The following SNX29 variants were observed in gnomAD, a reference collection of about 807,000 sequenced individuals.
The protein encoded by SNX29 is sorting nexin-29.
Under a neutral mutation model 102.1 loss-of-function variants are expected in SNX29, and 78 were observed. The ratio of observed to expected loss-of-function variants is 0.76; its 90% CI spans 0.64 to 0.92. SNX29 has a LOEUF of 0.92. SNX29 is among the 40% of genes least tolerant of loss of function. SNX29 has a pLI of 0.00. For synonymous variants in SNX29, 580 were observed against 414.5 expected, an observed-to-expected ratio of 1.40 and a Z score of -4.85; for missense variants, 1,280 against 1,061.7, an observed-to-expected ratio of 1.21 and a Z score of -2.86.
At chr16:12,030,998 T>G (rs545997041) in intron 4 of SNX29, among the ~76,000 whole-genome samples, 1 of 152,316 alleles carries the variant, frequency 6.6e-6, no homozygotes, top group South Asian at 2.1e-4. Flanking sequence ...TGCCAGATCC[T>G]GTGTGGGGCA....
chr16:12,107,011 T>G (rs1246154360), intron 11 of SNX29, among the ~76,000 whole-genome samples: 2 of 152,068 alleles, frequency 1.3e-5, no homozygotes, highest in African/African-American at 2.4e-5. Context: ...AGAGATGAGG[T>G]CTCACTGTGT....
At chr16:12,563,357 T>A (rs1211885899) in intron 20 of SNX29, among the ~76,000 whole-genome samples, 2 of 152,070 alleles carry the variant, frequency 1.3e-5, no homozygotes, top group South Asian at 2.1e-4. Flanking sequence ...CCTGAGCCTG[T>A]CTTTTATCGC....
At chr16:12,229,049 A>G (rs1364975139) in intron 14 of SNX29, among the ~76,000 whole-genome samples, 1 of 152,180 alleles carries the variant, frequency 6.6e-6, no homozygotes, top group Non-Finnish European at 1.5e-5. Context: ...CAGACCTTGG[A>G]CTTGCCACCT....
At chr16:12,021,717 G>C (rs943466563) in intron 3 of SNX29, among the ~76,000 whole-genome samples, 9 of 151,894 alleles carry the variant, frequency 5.9e-5, no homozygotes, top group Non-Finnish European at 1.2e-4. Flanking sequence ...GTGAAACCCT[G>C]GCTCTACTAA....
At chr16:12,427,330 A>T (rs112934302) in intron 18 of SNX29, among the ~76,000 whole-genome samples, 2,510 of 152,002 alleles carry the variant, frequency 0.017, 77 homozygotes, top group African/African-American at 0.058. Flanking sequence ...CTTATTTTTA[A>T]ATGTTGGCAA....
chr16:12,554,138 G>T (rs375396157), intron 20 of SNX29, among the ~76,000 whole-genome samples: 1 of 152,188 alleles, frequency 6.6e-6, no homozygotes, highest in East Asian at 1.9e-4. Flanking sequence ...TGGATGCTTT[G>T]CTCTTTACTG....
chr16:12,009,219 C>T (rs926228273), intron 3 of SNX29, among the ~76,000 whole-genome samples: 3 of 151,628 alleles, frequency 2.0e-5, no homozygotes, highest in African/African-American at 4.8e-5. Flanking sequence ...ATCCTTACAC[C>T]GAAAAAAAGC....
chr16:12,195,490 C>G (rs1207294702), intron 13 of SNX29, among the ~76,000 whole-genome samples: 1 of 152,116 alleles, frequency 6.6e-6, no homozygotes, highest in Non-Finnish European at 1.5e-5. Flanking sequence ...TATGAGATGC[C>G]TAAGGGGGTT....
chr16:12,134,371 G>C (rs1465929187), intron 13 of SNX29, among the ~76,000 whole-genome samples: 2 of 152,200 alleles, frequency 1.3e-5, no homozygotes, highest in African/African-American at 4.8e-5. Flanking sequence ...GGCTTAGCCA[G>C]GGCATCAGGG....
intron 15 of SNX29, among the ~76,000 whole-genome samples, chr16:12,295,227 C>T (rs561711035): frequency 3.3e-4 from 51 of 152,342 alleles, no homozygotes; most frequent in South Asian, 3.3e-3. Flanking sequence ...TTCTCCACTT[C>T]TACTCGTCCC....
intron 15 of SNX29, among the ~76,000 whole-genome samples, chr16:12,311,232 C>A (rs538921937): frequency 6.6e-6 from 1 of 152,086 alleles, no homozygotes; most frequent in African/African-American, 2.4e-5. Flanking sequence ...AAACTTCTTT[C>A]TAACCTTTCA....
chr16:12,471,969 C>G lies in SNX29; in HGVS notation c.2038-5750C>G, dbSNP rs538329026. On this transcript the variant is annotated intron_variant, in intron 18 of 20. Transcript: ENST00000566228. ...CTGAGGTCTATGACTGCAAAAGACA[C>G]AAGTGCAAAAGCCACACACGCAAAT... 5.9e-5 allele frequency among the ~76,000 whole-genome samples: 9 copies of G among 152,352 alleles called. No homozygotes were observed. The South Asian group carries it at 1.7e-3, about 28-fold the overall frequency.
At chr16:12,269,265 G>A (rs1031017883) in intron 14 of SNX29, among the ~76,000 whole-genome samples, 1 of 152,160 alleles carries the variant, frequency 6.6e-6, no homozygotes. Flanking sequence ...TTTTTCCCGT[G>A]AATAAGGTAG....
At chr16:12,562,815 C>T (rs913600223) in intron 20 of SNX29, among the ~76,000 whole-genome samples, 9 of 152,142 alleles carry the variant, frequency 5.9e-5, no homozygotes, top group East Asian at 3.9e-4. Flanking sequence ...ACTCCTTTCC[C>T]CCCAAATTTC....
Position 11,999,373 on chromosome 16 carries a change from C to T in SNX29, c.69+15C>T. The T allele has an allele frequency of 6.2e-7, 1 of 1,613,784 alleles. No homozygotes were observed. Among genetic ancestry groups the T allele is most frequent in the Non-Finnish European group, 8.5e-7 (1 of 1,179,822 alleles). On this transcript the variant is annotated intron_variant, in intron 2 of 20. Coordinates refer to ENST00000566228, the MANE Select transcript of SNX29 (RefSeq NM_032167.5). ...CAGTGAAACAGGTAAGCAGAAAGCA[C>T]ACATTTGCCTTTTTGGTCGAGTAAT... is the stretch of plus-strand genomic sequence containing the variant.
At chr16:12,472,544 CAAAAAAAAA>C in intron 18 of SNX29, among the ~76,000 whole-genome samples, 1 of 115,640 alleles carries the variant, frequency 8.6e-6, no homozygotes, top group African/African-American at 3.4e-5. Flanking sequence ...AAAAAAAAAA[CAAAAAAAAA>C]AAGAAAAAAA....
chr16:12,093,372 G>A (rs951763143), intron 11 of SNX29, among the ~76,000 whole-genome samples: 1 of 152,178 alleles, frequency 6.6e-6, no homozygotes, highest in Non-Finnish European at 1.5e-5. Flanking sequence ...CACTTTGGGA[G>A]GACAAGGCAG....
At chr16:11,996,072 AAAAG>A (rs2056060923) in intron 1 of SNX29, among the ~76,000 whole-genome samples, 1 of 151,624 alleles carries the variant, frequency 6.6e-6, no homozygotes, top group Admixed American at 6.6e-5. Context: ...AAAAAAAAAA[AAAAG>A]AGTTAGGCCC....
intron 15 of SNX29, among the ~76,000 whole-genome samples, chr16:12,300,809 G>A (rs1289060917): frequency 6.6e-6 from 1 of 152,170 alleles, no homozygotes; most frequent in Non-Finnish European, 1.5e-5. Flanking sequence ...TGTTCCGCAT[G>A]TTGCAGGGTG....
Sources: allele counts gnomAD v4.1 joint callset (sites outside exome capture counted in the v4.1 genomes callset), GRCh38; gene constraint gnomAD v4.1.1; transcripts MANE v1.5; gene names NCBI Gene and HGNC (gene_info 2026-07-23, HGNC 2026-07-21).